Variants in GABBR2 observed in about 807,000 individuals in gnomAD.
The protein encoded by GABBR2 is G-protein coupled receptor 51.
A neutral mutation model predicts 105.6 loss-of-function variants in GABBR2; 23 were observed. That is an observed-to-expected ratio of 0.22 (90% confidence interval 0.16 to 0.31). GABBR2 has a LOEUF of 0.31. GABBR2 is among the 10% of genes least tolerant of loss of function. The pLI, the probability that GABBR2 is intolerant of heterozygous loss-of-function variation, is 1.00. For missense variants in GABBR2, 734 were observed against 1,245.5 expected (o/e 0.59, Z 6.18); for synonymous variants, 478 against 499.7 (o/e 0.96, Z 0.58).
At chr9:98,668,314 G>A (rs1244797789) in intron 1 of GABBR2, among the ~76,000 whole-genome samples, 1 of 152,026 alleles carries the variant, frequency 6.6e-6, no homozygotes, top group African/African-American at 2.4e-5. Flanking sequence ...TTGTTTTGGT[G>A]GCTGCTGCCC....
intron 12 of GABBR2, among the ~76,000 whole-genome samples, chr9:98,366,450 T>A (rs1018386152): frequency 2.6e-5 from 4 of 152,324 alleles, no homozygotes; most frequent in Middle Eastern, 3.4e-3. Context: ...TTGCTTTTAT[T>A]CTATGAAAGC....
intron 2 of GABBR2, among the ~76,000 whole-genome samples, chr9:98,563,328 G>A (rs1828703616): frequency 6.6e-6 from 1 of 152,118 alleles, no homozygotes; most frequent in Non-Finnish European, 1.5e-5. Context: ...ACGCTGCCTC[G>A]ACTTCACAGA....
intron 7 of GABBR2, among the ~76,000 whole-genome samples, chr9:98,423,723 G>T (rs1213871454): frequency 5.3e-5 from 8 of 152,196 alleles, no homozygotes; most frequent in Non-Finnish European, 1.2e-4. Context: ...TTCTTCTAGG[G>T]TTTTTATGGT....
intron 2 of GABBR2, among the ~76,000 whole-genome samples, chr9:98,575,093 C>G (rs1025360963): frequency 2.6e-5 from 4 of 152,120 alleles, no homozygotes; most frequent in Admixed American, 6.5e-5. Flanking sequence ...CACCACCCCC[C>G]CCCAAATCTG....
intron 2 of GABBR2, among the ~76,000 whole-genome samples, chr9:98,566,441 C>A (rs1326310463): frequency 6.6e-6 from 1 of 152,128 alleles, no homozygotes; most frequent in East Asian, 1.9e-4. Flanking sequence ...TTTGGAAGGC[C>A]GAGGCGGGCG....
chr9:98,389,118 G>T, intron 9 of GABBR2, 114 bp from the exon 10 acceptor site: 1 of 842,336 alleles, frequency 1.2e-6, no homozygotes, highest in Non-Finnish European at 1.9e-6. Flanking sequence ...CTCTACACAA[G>T]GCACATCTAT....
intron 7 of GABBR2, among the ~76,000 whole-genome samples, chr9:98,452,114 C>T (rs1033337874): frequency 1.3e-5 from 2 of 152,196 alleles, no homozygotes; most frequent in Non-Finnish European, 2.9e-5. Context: ...CTTACCTTGG[C>T]ATCCACACCA....
intron 1 of GABBR2, among the ~76,000 whole-genome samples, chr9:98,629,674 G>A (rs766741766): frequency 1.3e-5 from 2 of 152,286 alleles, no homozygotes; most frequent in South Asian, 4.1e-4. Flanking sequence ...TGGTGCCTTG[G>A]TCCAAACCAA....
At chr9:98,398,433 C>A (rs1832332895) in intron 8 of GABBR2, among the ~76,000 whole-genome samples, 1 of 152,114 alleles carries the variant, frequency 6.6e-6, no homozygotes, top group African/African-American at 2.4e-5. Context: ...AGTCCCATCC[C>A]CAACCTGGGT....
intron 1 of GABBR2, among the ~76,000 whole-genome samples, chr9:98,665,465 C>T (rs927090915): frequency 2.4e-4 from 37 of 152,024 alleles, no homozygotes; most frequent in African/African-American, 8.0e-4. Flanking sequence ...TTGTGTAGAT[C>T]CCAGGGCAGA....
intron 1 of GABBR2, among the ~76,000 whole-genome samples, chr9:98,666,891 A>C (rs1403562138): frequency 1.2e-4 from 18 of 152,320 alleles, no homozygotes; most frequent in African/African-American, 4.1e-4. Context: ...TGGTAGGGGT[A>C]ACTGATCCTG....
chr9:98,654,128 G>A (rs1830146578), intron 1 of GABBR2, among the ~76,000 whole-genome samples: 2 of 152,218 alleles, frequency 1.3e-5, no homozygotes, highest in African/African-American at 4.8e-5. Context: ...CAGACACAGA[G>A]CTACACACGA....
chr9:98,374,788 C>G (rs981289265), intron 11 of GABBR2, among the ~76,000 whole-genome samples: 1 of 152,178 alleles, frequency 6.6e-6, no homozygotes, highest in East Asian at 1.9e-4. Context: ...TGCCTCCCCA[C>G]GTGCCTTTTC....
intron 7 of GABBR2, among the ~76,000 whole-genome samples, chr9:98,436,348 CATAT>C (rs1158239322): frequency 7.9e-4 from 6 of 7,590 alleles, no homozygotes; most frequent in Non-Finnish European, 1.4e-3. Context: ...ACACACACAC[CATAT>C]ATATATATAT....
At chr9:98,611,682 A>G (rs766811834) in intron 1 of GABBR2, among the ~76,000 whole-genome samples, 1 of 152,208 alleles carries the variant, frequency 6.6e-6, no homozygotes, top group Middle Eastern at 3.2e-3. Flanking sequence ...TTCAGAGCAC[A>G]CACCACTTTC....
intron 5 of GABBR2, among the ~76,000 whole-genome samples, chr9:98,474,550 C>T (rs1452993036): frequency 6.6e-6 from 1 of 152,162 alleles, no homozygotes; most frequent in Non-Finnish European, 1.5e-5. Context: ...GGACTGCCCG[C>T]ATTCTAAACT....
chr9:98,604,574 TA>T (rs1349590675), intron 1 of GABBR2, among the ~76,000 whole-genome samples: 2 of 152,214 alleles, frequency 1.3e-5, no homozygotes, highest in African/African-American at 2.4e-5. Context: ...AACACCTGCA[TA>T]AATTGGAACA....
chr9:98,485,954 C>T (rs921931016), intron 4 of GABBR2, among the ~76,000 whole-genome samples: 1 of 152,114 alleles, frequency 6.6e-6, no homozygotes, highest in Non-Finnish European at 1.5e-5. Context: ...AAAACTCCGG[C>T]CCCCCTGCTG....
At chr9:98,664,255 G>A (rs192910061) in intron 1 of GABBR2, among the ~76,000 whole-genome samples, 4 of 152,276 alleles carry the variant, frequency 2.6e-5, no homozygotes, top group South Asian at 2.1e-4. Flanking sequence ...GGAAGAGAAC[G>A]GCACAAAGAC....
Sources: allele counts gnomAD v4.1 joint callset (sites outside exome capture counted in the v4.1 genomes callset), GRCh38; gene constraint gnomAD v4.1.1; transcripts MANE v1.5; gene names NCBI Gene and HGNC (gene_info 2026-07-23, HGNC 2026-07-21).